The following STX11 variants were observed in gnomAD, a reference collection of about 807,000 sequenced individuals.
STX11 encodes the protein syntaxin-11.
A neutral mutation model predicts 19.9 loss-of-function variants in STX11; 21 were observed. The ratio of observed to expected loss-of-function variants is 1.06; its 90% CI spans 0.75 to 1.52. The LOEUF (loss-of-function observed/expected upper bound fraction) is 1.52. Ranked by LOEUF, STX11 falls within the 40% of genes most tolerant of loss-of-function variation. The probability of loss-of-function intolerance (pLI) is 0.00; values close to 1 mark genes in which losing one functional copy is unlikely to be tolerated. For missense variants in STX11, 438 were observed against 405.9 expected, an observed-to-expected ratio of 1.08 and a Z score of -0.68; for synonymous variants, 193 against 174.4, an observed-to-expected ratio of 1.11 and a Z score of -0.84.
chr6:144,188,316 A>C lies in STX11; in HGVS notation c.*825A>C, dbSNP rs1488076990. 1 of 229,914 alleles carries C rather than the reference A, an allele frequency of 4.3e-6. No homozygotes were observed. Among genetic ancestry groups the C allele is most frequent in the East Asian group, 7.1e-5 (1 of 14,020 alleles). 14.2% of individuals were successfully genotyped at this position (229,914 alleles called of 1,614,324 possible). A position where few individuals can be genotyped will look rare whatever the true frequency, so the allele number is the denominator to read the frequency against. The stretch of plus-strand genomic sequence containing the variant: ...TCACTAATATATGTACATAATGATC[A>C]ATTGGTTTAACTTCTTTTATGTAAG... On this transcript the variant is annotated 3_prime_UTR_variant, in exon 2 of 2. Transcript: ENST00000367568.
rs915209795 is a variant in STX11 at position 144,190,251 on chromosome 6, C to T, written c.*2760C>T. 1.3e-5 allele frequency among the ~76,000 whole-genome samples: 2 copies of T among 152,206 alleles called. No individual in the cohort carries two copies. Among genetic ancestry groups the T allele is most frequent in the Non-Finnish European group, 2.9e-5 (2 of 68,038 alleles). On this transcript the variant is annotated 3_prime_UTR_variant, in exon 2 of 2. Transcript: ENST00000367568. ...ATTTAAATCTTGACTCTGCCACATACTAGCTGTCTGACTGAACCTTGGTTT... is the reference window on the plus strand; with the variant it reads ...ATTTAAATCTTGACTCTGCCACATATTAGCTGTCTGACTGAACCTTGGTTT...
At position 144,151,574 on chromosome 6, in the gene STX11, C is replaced by T. The variant is rs566036282; in HGVS notation, c.-6+871C>T. Among the ~76,000 whole-genome samples the T allele has an allele frequency of 2.0e-5, 3 of 152,152 alleles. No individual in the cohort carries two copies. Among genetic ancestry groups the T allele is most frequent in the Non-Finnish European group, 4.4e-5 (3 of 68,026 alleles). ...CGATTGAGTTTTCAGTTTCCTAAGG[C>T]GCCTGATGTTACAACATGCCAGTAA... On this transcript the variant is annotated intron_variant, in intron 1 of 1. Transcript: ENST00000367568. The surrounding 1 kb of genome is among the most constrained non-coding windows in gnomAD (Gnocchi z 4.6).
chr6:144,152,994 TTCAAA>T lies in STX11; in HGVS notation c.-6+2296_-6+2300del, dbSNP rs1801043579. 6.6e-6 allele frequency among the ~76,000 whole-genome samples: 1 copy of T among 152,222 alleles called. No individual in the cohort carries two copies. The highest frequency in any genetic ancestry group is 1.5e-5 in the Non-Finnish European group (1 of 68,040). ...GAGTTTATGATCATTGTTTTTGTAG[TTCAAA>T]TCAATGTTTTTTATCACATTATAGC... On this transcript the variant is annotated intron_variant, in intron 1 of 1. Coordinates refer to ENST00000367568, the MANE Select transcript of STX11 (RefSeq NM_003764.4). The surrounding 1 kb of genome is among the most constrained non-coding windows in gnomAD (Gnocchi z 4.9).
chr6:144,174,649 GTCCCTGT>G lies in STX11; in HGVS notation c.-5-11973_-5-11967del. On this transcript the variant is annotated intron_variant, in intron 1 of 1. Transcript: ENST00000367568. The surrounding 1 kb of genome is among the most constrained non-coding windows in gnomAD (Gnocchi z 5.3). ...TCCCAAGCCAGGATTACAGATATGA[GTCCCTGT>G]GCCTGGCCAGAAAAGTTTTTTTTGC... Among the ~76,000 whole-genome samples the G allele has an allele frequency of 6.6e-6, 1 of 152,142 alleles. No individual in the cohort carries two copies.
chr6:144,141,650 A>C, the STX11 span, among the ~76,000 whole-genome samples: 2 of 142,916 alleles, frequency 1.4e-5, no homozygotes, highest in African/African-American at 5.5e-5. Flanking sequence ...CATTATTTTC[A>C]GTTTTGTTGT....
In STX11 at chr6:144,153,047, T is replaced by C. The variant is rs1801044740; in HGVS notation, c.-6+2344T>C. Among the ~76,000 whole-genome samples, 1 of 152,244 alleles carries C rather than the reference T, an allele frequency of 6.6e-6. No homozygotes were observed. The highest frequency in any genetic ancestry group is 2.1e-4 in the South Asian group (1 of 4,838). Reference sequence around the variant, plus strand: ...AGCCGTGTGAGCCAAAATGAATAAATCTACCGTATCACAGTTTACTGTTGC... The same window carrying C: ...AGCCGTGTGAGCCAAAATGAATAAACCTACCGTATCACAGTTTACTGTTGC... On this transcript the variant is annotated intron_variant, in intron 1 of 1. Coordinates refer to ENST00000367568, the MANE Select transcript of STX11 (RefSeq NM_003764.4). The surrounding 1 kb of genome is among the most constrained non-coding windows in gnomAD (Gnocchi z 5.0).
At position 144,187,163 on chromosome 6, in the gene STX11, A is replaced by T; in HGVS notation, c.536A>T (p.Asp179Val). Reference sequence around the variant, plus strand: ...GAAGTCTCGGGCGACCAGATCGAGGACATGTTCGAGCAGGGTAAGTGGGAC... The same window carrying T: ...GAAGTCTCGGGCGACCAGATCGAGGTCATGTTCGAGCAGGGTAAGTGGGAC... ...GKEVSGDQIE[D>V]MFEQGKWDVF... is the part of the protein sequence containing the mutation. Residue 179 changes from aspartate to valine, a missense_variant, in exon 2 of 2, where the codon GAC becomes GTC. Physicochemically the swap from Asp to Val is radical, Grantham distance 152. Coordinates refer to ENST00000367568, the MANE Select transcript of STX11 (RefSeq NM_003764.4). This position sits in a 1 kb window ranked among gnomAD's most constrained non-coding sequence, Gnocchi z 5.6. The T allele has an allele frequency of 6.2e-7, 1 of 1,613,984 alleles. No individual in the cohort carries two copies. The highest frequency in any genetic ancestry group is 8.5e-7 in the Non-Finnish European group (1 of 1,180,008).
chr6:144,142,729 C>T, the STX11 span, among the ~76,000 whole-genome samples: 10 of 152,208 alleles, frequency 6.6e-5, no homozygotes, highest in South Asian at 4.2e-4. Flanking sequence ...ATACCAGATG[C>T]TGGGAAGGTT....
In STX11 at chr6:144,186,624, C is replaced by T. The variant is rs1428204518; in HGVS notation, c.-4C>T. 3 of 1,613,886 alleles carry T rather than the reference C, an allele frequency of 1.9e-6. No individual in the cohort carries two copies. Among genetic ancestry groups the T allele is most frequent in the Non-Finnish European group, 2.5e-6 (3 of 1,180,054 alleles). ...TAACTTCATTATCTCTACTTGCAGG[C>T]AAAATGAAAGACCGGCTAGCAGAAC... On this transcript the variant is annotated splice_region_variant and 5_prime_UTR_variant, in exon 2 of 2. It introduces an in-frame stop codon into an upstream open reading frame of the 5' UTR. Coordinates refer to ENST00000367568, the MANE Select transcript of STX11 (RefSeq NM_003764.4).
intron 1 of STX11, among the ~76,000 whole-genome samples, chr6:144,181,833 T>A (rs938024847): frequency 6.6e-6 from 1 of 152,210 alleles, no homozygotes; most frequent in Admixed American, 6.5e-5. Flanking sequence ...CACAAAACTT[T>A]ATTGCTCAAT....
In STX11 at chr6:144,165,849, T is replaced by C. The variant is rs1801463902; in HGVS notation, c.-6+15146T>C. Among the ~76,000 whole-genome samples the C allele has an allele frequency of 6.6e-6, 1 of 152,192 alleles. No homozygotes were observed. Among genetic ancestry groups the C allele is most frequent in the Non-Finnish European group, 1.5e-5 (1 of 68,026 alleles). On this transcript the variant is annotated intron_variant, in intron 1 of 1. Transcript: ENST00000367568. The surrounding 1 kb of genome is among the most constrained non-coding windows in gnomAD (Gnocchi z 5.8). ...GTACATAACTTACGTAACTTAACAATCAAAAAGTAACCTTTGTGAGGTAAG... is the reference window on the plus strand; with the variant it reads ...GTACATAACTTACGTAACTTAACAACCAAAAAGTAACCTTTGTGAGGTAAG...
chr6:144,140,648 G>A, the STX11 span: 1 of 597,242 alleles, frequency 1.7e-6, no homozygotes, highest in Non-Finnish European at 2.1e-6. Flanking sequence ...AGCAGGCTGT[G>A]GTCTGTGAAC....
chr6:144,161,751 C>T (rs1195873895), intron 1 of STX11, among the ~76,000 whole-genome samples: 5 of 152,146 alleles, frequency 3.3e-5, no homozygotes, highest in African/African-American at 7.2e-5. Flanking sequence ...CATCTAGATA[C>T]GTGCACCCAC....
chr6:144,175,322 A>G lies in STX11; in HGVS notation c.-5-11301A>G, dbSNP rs1801752231. On this transcript the variant is annotated intron_variant, in intron 1 of 1. Coordinates refer to ENST00000367568, the MANE Select transcript of STX11 (RefSeq NM_003764.4). The surrounding 1 kb of genome is among the most constrained non-coding windows in gnomAD (Gnocchi z 5.1). ...TCTCAATATATGCTACTCTCATGAA[A>G]ATGCTTTATACATGTTAGAATTTTA... Among the ~76,000 whole-genome samples, 1 of 152,238 alleles carries G rather than the reference A, an allele frequency of 6.6e-6. No individual in the cohort carries two copies. Among genetic ancestry groups the G allele is most frequent in the African/African-American group, 2.4e-5 (1 of 41,468 alleles).
rs1562655421 is a variant in STX11 at position 144,155,986 on chromosome 6, CTTT to C, written c.-6+5284_-6+5286del. Among the ~76,000 whole-genome samples the C allele has an allele frequency of 1.8e-4, 24 of 131,656 alleles. No individual in the cohort carries two copies. The highest frequency in any genetic ancestry group is 7.0e-4 in the East Asian group (3 of 4,264). The allele number at this position is 131,656 out of a possible 152,430, so 86.4% of individuals were successfully genotyped here. A position where few individuals can be genotyped will look rare whatever the true frequency, so the allele number is the denominator to read the frequency against. On this transcript the variant is annotated intron_variant, in intron 1 of 1. Coordinates refer to ENST00000367568, the MANE Select transcript of STX11 (RefSeq NM_003764.4). The surrounding 1 kb of genome is among the most constrained non-coding windows in gnomAD (Gnocchi z 4.5). ...TCTTTCTTTCTTTCTTTCTTTCTTT[CTTT>C]CTTTCTTTCTTTCTTTCTTTCTTTC...
upstream of STX11, among the ~76,000 whole-genome samples, chr6:144,148,937 G>A (rs1233703071): frequency 6.6e-6 from 1 of 152,136 alleles, no homozygotes; most frequent in Non-Finnish European, 1.5e-5. Flanking sequence ...GAGGAATATT[G>A]GTCAGGTATT....
rs559052640 is a variant in STX11, at chr6:144,174,102, T to A, written c.-5-12521T>A. On this transcript the variant is annotated intron_variant, in intron 1 of 1. Transcript: ENST00000367568. The surrounding 1 kb of genome is among the most constrained non-coding windows in gnomAD (Gnocchi z 5.3). Reference sequence around the variant, plus strand: ...AGTCTTTTGTTAGGTTAGCTGGTGGTTGTGCTCAGCCTCGAGTACTGCTCA... The same window carrying A: ...AGTCTTTTGTTAGGTTAGCTGGTGGATGTGCTCAGCCTCGAGTACTGCTCA... Among the ~76,000 whole-genome samples the A allele has an allele frequency of 3.9e-5, 6 of 152,346 alleles. No homozygotes were observed. The South Asian group carries it at 1.2e-3, about 32-fold the overall frequency.
chr6:144,158,213 G>A (rs1305270654), intron 1 of STX11, among the ~76,000 whole-genome samples: 3 of 152,192 alleles, frequency 2.0e-5, no homozygotes, highest in Admixed American at 6.5e-5. Flanking sequence ...CATGGGAACC[G>A]TGGGACAGCA....
rs1800993893 is a variant in STX11, at chr6:144,151,049, A to G, written c.-6+346A>G. 1.3e-5 allele frequency among the ~76,000 whole-genome samples: 2 copies of G among 152,136 alleles called. No individual in the cohort carries two copies. Among genetic ancestry groups the G allele is most frequent in the Admixed American group, 6.5e-5 (1 of 15,282 alleles). On this transcript the variant is annotated intron_variant, in intron 1 of 1. Coordinates refer to ENST00000367568, the MANE Select transcript of STX11 (RefSeq NM_003764.4). The surrounding 1 kb of genome is among the most constrained non-coding windows in gnomAD (Gnocchi z 4.6). ...CCACCCAAGACTACTTTTATTTTAA[A>G]TCGAAAGGCTGGAGTGTTTTTTTAT...
Sources: allele counts gnomAD v4.1 joint callset (sites outside exome capture counted in the v4.1 genomes callset), GRCh38; gene constraint gnomAD v4.1.1; non-coding constraint Gnocchi (gnomAD v3.1); transcripts MANE v1.5; gene names NCBI Gene and HGNC (gene_info 2026-07-23, HGNC 2026-07-21).